ABI3BP: variants seen among roughly 807,000 people sequenced by gnomAD.
ABI3BP encodes the protein ABI family member 3 binding protein, also known as target of Nesh-SH3.
A neutral mutation model predicts 268.6 loss-of-function variants in ABI3BP; 216 were observed. The ratio of observed to expected loss-of-function variants is 0.80; its 90% CI spans 0.72 to 0.90. The LOEUF is 0.90. ABI3BP is among the 40% of genes least tolerant of loss of function. The pLI is 0.00. For synonymous variants in ABI3BP, 730 were observed against 730.0 expected (o/e 1.00, Z 0.00); for missense variants, 2,090 against 2,182.4 (o/e 0.96, Z 0.84).
intron 2 of ABI3BP, among the ~76,000 whole-genome samples, chr3:100,917,909 T>C (rs757754335): frequency 5.3e-5 from 8 of 152,214 alleles, no homozygotes; most frequent in Non-Finnish European, 1.2e-4. Context: ...ATACAATGGC[T>C]TTCTGGTATA....
chr3:100,797,330 T>A (rs1050411051), intron 51 of ABI3BP, among the ~76,000 whole-genome samples: 3 of 152,066 alleles, frequency 2.0e-5, no homozygotes, highest in Non-Finnish European at 2.9e-5. Flanking sequence ...TAGTACCAGA[T>A]TTCTGCAACA....
At chr3:100,804,011 C>A (rs2097615655) in intron 51 of ABI3BP, among the ~76,000 whole-genome samples, 1 of 152,062 alleles carries the variant, frequency 6.6e-6, no homozygotes, top group South Asian at 2.1e-4. Context: ...ATTTTAGGAG[C>A]AGTTAGGAAT....
intron 1 of ABI3BP, among the ~76,000 whole-genome samples, chr3:100,990,743 G>A (rs1003056102): frequency 6.6e-6 from 1 of 152,028 alleles, no homozygotes; most frequent in Non-Finnish European, 1.5e-5. Context: ...CATTCCTAAG[G>A]CTGGGGTCAG....
At chr3:100,777,240 T>G (rs1049982624) in intron 59 of ABI3BP, among the ~76,000 whole-genome samples, 1 of 152,192 alleles carries the variant, frequency 6.6e-6, no homozygotes, top group African/African-American at 2.4e-5. Context: ...GTTTTAACAC[T>G]CTTATCCCGA....
chr3:100,797,580 T>A lies in ABI3BP; in HGVS notation c.3758-1112A>T, dbSNP rs1015284218. 7.6e-5 allele frequency among the ~76,000 whole-genome samples: 11 copies of A among 145,022 alleles called. No individual in the cohort carries two copies. The South Asian group carries it at 1.1e-3, about 15-fold the overall frequency. The stretch of plus-strand genomic sequence containing the variant: ...AGAAACTGTTTTTTTTTTTTTTTTT[T>A]ATTATGAGGTGGCCAAGCACCACTT... On this transcript the variant is annotated intron_variant, in intron 51 of 67. Transcript: ENST00000471714.
At chr3:100,845,974 T>C (rs1359935363) in intron 20 of ABI3BP, among the ~76,000 whole-genome samples, 2 of 152,182 alleles carry the variant, frequency 1.3e-5, no homozygotes, top group East Asian at 3.9e-4. Flanking sequence ...TCTGGTCTTC[T>C]AGCCTGAGAA....
intron 14 of ABI3BP, among the ~76,000 whole-genome samples, chr3:100,856,861 T>C (rs1443109376): frequency 6.6e-6 from 1 of 152,196 alleles, no homozygotes; most frequent in Non-Finnish European, 1.5e-5. Flanking sequence ...TGCTTCTCCT[T>C]CCCTGGTGCC....
intron 53 of ABI3BP, among the ~76,000 whole-genome samples, 154 bp from the exon 54 acceptor site, chr3:100,795,157 A>C (rs950073628): frequency 6.6e-6 from 1 of 152,088 alleles, no homozygotes; most frequent in Non-Finnish European, 1.5e-5. Context: ...ACTGCGGAAT[A>C]TTAGAAAAAT....
chr3:100,838,392 T>A lies in ABI3BP; in HGVS notation c.2008+10A>T. On this transcript the variant is annotated intron_variant, in intron 25 of 67. Transcript: ENST00000471714. ...TATTTATAGATCAAGGCATTGAAAG[T>A]AATGATTACCAGGCTGAATTTGAGG... 1.3e-6 allele frequency: 2 copies of A among 1,535,136 alleles called. No individual in the cohort carries two copies. The highest frequency in any genetic ancestry group is 1.7e-6 in the Non-Finnish European group (2 of 1,146,010).
At chr3:100,878,589 T>TG (rs2099188380) in intron 6 of ABI3BP, among the ~76,000 whole-genome samples, 2 of 152,154 alleles carry the variant, frequency 1.3e-5, no homozygotes, top group Non-Finnish European at 2.9e-5. Context: ...TAACTTTCAG[T>TG]GGGGGATAAA....
At position 100,850,056 on chromosome 3, in the gene ABI3BP, G is replaced by GAA. The variant is rs747370457; in HGVS notation, c.1489_1490insTT (p.Pro497LeufsTer64). The GAA allele has an allele frequency of 6.2e-7, 1 of 1,611,158 alleles. No individual in the cohort carries two copies. The highest frequency in any genetic ancestry group is 8.5e-7 in the Non-Finnish European group (1 of 1,178,800). Reference sequence around the variant, plus strand: ...ATGTCATTAGTTACCAGGTGTCGTAGGCTGCATTTCTGGACTGGTAAAGAT... The same window carrying GAA: ...ATGTCATTAGTTACCAGGTGTCGTAGAAGCTGCATTTCTGGACTGGTAAAGAT... On this transcript the variant is annotated frameshift_variant, in exon 17 of 68. Transcript: ENST00000471714. LOFTEE classifies it high-confidence loss of function.
At chr3:100,933,149 A>G (rs961453911) in intron 1 of ABI3BP, among the ~76,000 whole-genome samples, 2 of 152,024 alleles carry the variant, frequency 1.3e-5, no homozygotes, top group Admixed American at 1.3e-4. Context: ...AAAAGTAGAT[A>G]ATACTTATTA....
chr3:100,867,640 C>CAA (rs5851230), intron 9 of ABI3BP, among the ~76,000 whole-genome samples: 3,149 of 63,568 alleles, frequency 0.05, 257 homozygotes, highest in East Asian at 0.14. Flanking sequence ...GACCCCGTCT[C>CAA]AAAAAAAAAA....
intron 29 of ABI3BP, 58 bp from the exon 30 acceptor site, chr3:100,833,215 G>A: frequency 7.0e-7 from 1 of 1,437,760 alleles, no homozygotes; most frequent in Non-Finnish European, 9.4e-7. Context: ...AAACACACGA[G>A]AAAAGCCATC....
intron 55 of ABI3BP, 66 bp from the exon 56 acceptor site, chr3:100,789,582 C>T: frequency 6.8e-7 from 1 of 1,477,248 alleles, no homozygotes; most frequent in Non-Finnish European, 9.2e-7. Context: ...GGAGATTTAG[C>T]ATCCTAGGGA....
chr3:100,955,613 T>C (rs562896266), intron 1 of ABI3BP, among the ~76,000 whole-genome samples: 1 of 152,292 alleles, frequency 6.6e-6, no homozygotes, highest in Admixed American at 6.5e-5. Context: ...AATTCTACCA[T>C]ACAACAAGAA....
intron 51 of ABI3BP, among the ~76,000 whole-genome samples, chr3:100,800,213 CTT>C (rs34125273): frequency 5.1e-4 from 73 of 143,896 alleles, no homozygotes; most frequent in East Asian, 1.2e-3. Context: ...GGCTATTAAT[CTT>C]TTTTTTTTTT....
At chr3:100,949,289 G>A (rs764075435) in intron 1 of ABI3BP, among the ~76,000 whole-genome samples, 2 of 151,966 alleles carry the variant, frequency 1.3e-5, no homozygotes, top group Non-Finnish European at 2.9e-5. Context: ...ACAGACTCTC[G>A]CTCTGTCACA....
At chr3:100,833,563 A>G (rs1304170178) in intron 29 of ABI3BP, among the ~76,000 whole-genome samples, 1 of 152,206 alleles carries the variant, frequency 6.6e-6, no homozygotes, top group Non-Finnish European at 1.5e-5. Flanking sequence ...AGATACACTG[A>G]TGAATGACTA....
Sources: gnomAD v4.1 joint callset for allele counts (sites outside exome capture counted in the v4.1 genomes callset) on GRCh38, gnomAD v4.1.1 for gene constraint, MANE v1.5 for transcripts, NCBI Gene and HGNC (gene_info 2026-07-23, HGNC 2026-07-21) for gene names.